Variants in KLF12 observed in about 807,000 individuals in gnomAD.
The protein encoded by KLF12 is Krueppel-like factor 12.
A neutral mutation model predicts 37.8 loss-of-function variants in KLF12; 9 were observed. That is an observed-to-expected ratio of 0.24 (90% confidence interval 0.14 to 0.42). The LOEUF is 0.42. Ranked by LOEUF, KLF12 falls within the 10% of genes least tolerant of loss-of-function variation. The pLI, the probability that KLF12 is intolerant of heterozygous loss-of-function variation, is 1.00. For missense variants in KLF12, 411 were observed against 516.0 expected, an observed-to-expected ratio of 0.80 and a Z score of 1.97; for synonymous variants, 208 against 202.1, an observed-to-expected ratio of 1.03 and a Z score of -0.25.
chr13:73,906,655 G>A (rs1205693154), intron 3 of KLF12, among the ~76,000 whole-genome samples: 2 of 152,120 alleles, frequency 1.3e-5, no homozygotes, highest in Admixed American at 6.5e-5. Context: ...CTCCTTAAGT[G>A]TTTAAATTCT....
chr13:73,845,747 T>C lies in KLF12; in HGVS notation c.670+80A>G, dbSNP rs986492895. 3.6e-5 allele frequency: 46 copies of C among 1,278,822 alleles called. No individual in the cohort carries two copies. The Middle Eastern group carries it at 5.8e-4, about 16-fold the overall frequency. 79.2% of individuals were successfully genotyped at this position (1,278,822 alleles called of 1,614,324 possible). A position where few individuals can be genotyped will look rare whatever the true frequency, so the allele number is the denominator to read the frequency against. On this transcript the variant is annotated intron_variant, in intron 4 of 7. Transcript: ENST00000377669. Reference sequence around the variant, plus strand: ...AACTTCTTTAGATGTAGTGTTTGTATACAATTTAGGTTTTGTTCACTGCAA... The same window carrying C: ...AACTTCTTTAGATGTAGTGTTTGTACACAATTTAGGTTTTGTTCACTGCAA...
rs139516751 is a variant in KLF12, at chr13:73,781,756, T to C, written c.807-16756A>G. On this transcript the variant is annotated intron_variant, in intron 5 of 7. Transcript: ENST00000377669. The stretch of plus-strand genomic sequence containing the variant: ...ATAAACCTAGAGCCAAATAAAATAA[T>C]TTCATACATGTAATCAACAACACAC... Among the ~76,000 whole-genome samples, 783 of 152,210 alleles carry C rather than the reference T, an allele frequency of 5.1e-3. 5 individuals are homozygous for C. Among genetic ancestry groups the C allele is most frequent in the African/African-American group, 0.017 (715 of 41,534 alleles).
the KLF12 span, among the ~76,000 whole-genome samples, chr13:74,164,738 C>A: frequency 1.5e-4 from 23 of 152,184 alleles, no homozygotes; most frequent in African/African-American, 5.5e-4. Context: ...GCTTATATAG[C>A]CTCAGCAATA....
chr13:74,141,126 T>G, the KLF12 span, among the ~76,000 whole-genome samples: 2 of 151,900 alleles, frequency 1.3e-5, no homozygotes, highest in South Asian at 2.1e-4. Context: ...AGAATTGGAC[T>G]GCAGATCAAG....
At position 74,118,531 on chromosome 13, in the gene KLF12, A is replaced by T. The variant is rs569030849; in HGVS notation, c.-32+15208T>A. 2.0e-5 allele frequency among the ~76,000 whole-genome samples: 3 copies of T among 152,204 alleles called. No individual in the cohort carries two copies. The South Asian group carries it at 6.2e-4, about 31-fold the overall frequency. On this transcript the variant is annotated intron_variant, in intron 1 of 7. Coordinates refer to ENST00000377669, the MANE Select transcript of KLF12 (RefSeq NM_007249.5). ...GGTGTGACTTTCCATACATTATGTT[A>T]ATCTATTTCCTGGTAGATAAGAGAA... is the stretch of plus-strand genomic sequence containing the variant.
intron 5 of KLF12, chr13:73,802,338 T>C (rs1882322378): frequency 6.6e-6 from 1 of 152,166 alleles, no homozygotes; most frequent in African/African-American, 2.4e-5. Flanking sequence ...TAGTCATATA[T>C]TAAAACTTTC....
At chr13:74,268,880 T>A in the KLF12 span, among the ~76,000 whole-genome samples, 2 of 152,178 alleles carry the variant, frequency 1.3e-5, no homozygotes, top group Non-Finnish European at 2.9e-5. Context: ...TTCTTCACCA[T>A]GAGTTGAGTA....
Position 73,691,827 on chromosome 13 carries a change from C to A in KLF12, c.*3663G>T, listed in dbSNP as rs1397340014. On this transcript the variant is annotated 3_prime_UTR_variant, in exon 8 of 8. Coordinates refer to ENST00000377669, the MANE Select transcript of KLF12 (RefSeq NM_007249.5). ...AGAATTATGTTTAAAACACAGATGG[C>A]AATTTAAAGTTAAAAAGAATTGTAT... 6.6e-6 allele frequency: 1 copy of A among 152,540 alleles called. No individual in the cohort carries two copies. The highest frequency in any genetic ancestry group is 1.5e-5 in the Non-Finnish European group (1 of 68,004). 9.4% of individuals were successfully genotyped at this position (152,540 alleles called of 1,614,324 possible). A position where few individuals can be genotyped will look rare whatever the true frequency, so the allele number is the denominator to read the frequency against.
chr13:73,891,310 T>C (rs1037837832), intron 3 of KLF12, among the ~76,000 whole-genome samples: 2 of 152,148 alleles, frequency 1.3e-5, no homozygotes. Context: ...TTAGAAAATG[T>C]AGATTTCTAC....
intron 4 of KLF12, among the ~76,000 whole-genome samples, chr13:73,824,921 T>C (rs558105551): frequency 1.3e-5 from 2 of 152,026 alleles, no homozygotes; most frequent in Non-Finnish European, 2.9e-5. Context: ...TACAAAAAAT[T>C]AGCCAGGCGT....
the KLF12 span, among the ~76,000 whole-genome samples, chr13:74,161,890 T>C: frequency 6.6e-6 from 1 of 152,236 alleles, no homozygotes; most frequent in Non-Finnish European, 1.5e-5. Flanking sequence ...TCATATGAAA[T>C]GCTCAAATCA....
At chr13:74,052,731 C>T (rs1873000267) in intron 1 of KLF12, among the ~76,000 whole-genome samples, 1 of 152,164 alleles carries the variant, frequency 6.6e-6, no homozygotes, top group Non-Finnish European at 1.5e-5. Flanking sequence ...AACGTCATTG[C>T]CTCTACAAAA....
chr13:74,283,819 G>A, the KLF12 span, among the ~76,000 whole-genome samples: 1 of 151,678 alleles, frequency 6.6e-6, no homozygotes, highest in Non-Finnish European at 1.5e-5. Context: ...CTGAGACTGA[G>A]GCTTTTGGCA....
At chr13:73,963,375 G>C (rs1319287919) in intron 2 of KLF12, among the ~76,000 whole-genome samples, 3 of 129,910 alleles carry the variant, frequency 2.3e-5, no homozygotes, top group Admixed American at 7.6e-5. Context: ...CACACACTCG[G>C]AATTATTTGT....
chr13:74,124,784 A>G (rs953940681), intron 1 of KLF12, among the ~76,000 whole-genome samples: 3 of 152,222 alleles, frequency 2.0e-5, no homozygotes, highest in Non-Finnish European at 2.9e-5. Context: ...GAAAAAAATA[A>G]GAGGGAAATC....
the KLF12 span, among the ~76,000 whole-genome samples, chr13:74,291,734 T>C: frequency 6.6e-6 from 1 of 152,050 alleles, no homozygotes; most frequent in African/African-American, 2.4e-5. Flanking sequence ...TACATATATG[T>C]ATCTACACCT....
chr13:73,857,054 A>G (rs1447585668), intron 3 of KLF12, among the ~76,000 whole-genome samples: 1 of 152,128 alleles, frequency 6.6e-6, no homozygotes, highest in African/African-American at 2.4e-5. Flanking sequence ...AAACAAAATA[A>G]AAAAGGAGTC....
chr13:73,787,490 T>C (rs1317327678), intron 5 of KLF12, among the ~76,000 whole-genome samples: 1 of 152,252 alleles, frequency 6.6e-6, no homozygotes, highest in African/African-American at 2.4e-5. Flanking sequence ...ATTTTTCAAA[T>C]GACAATTTCT....
chr13:74,184,953 G>T, the KLF12 span, among the ~76,000 whole-genome samples: 2 of 152,156 alleles, frequency 1.3e-5, no homozygotes, highest in Admixed American at 6.5e-5. Flanking sequence ...GAAGTACAAG[G>T]TTGGCACTGA....
Sources: allele counts gnomAD v4.1 joint callset (sites outside exome capture counted in the v4.1 genomes callset), GRCh38; gene constraint gnomAD v4.1.1; transcripts MANE v1.5; gene names NCBI Gene and HGNC (gene_info 2026-07-23, HGNC 2026-07-21).